Variants in AAMDC observed in about 807,000 individuals in gnomAD.
The protein encoded by AAMDC is adipogenesis associated Mth938 domain containing.
In AAMDC, 16 loss-of-function variants were observed where a neutral mutation model predicts 15.5. The observed-to-expected ratio is 1.03, with a 90% CI of 0.70 to 1.57. The LOEUF (loss-of-function observed/expected upper bound fraction) is 1.57. Among genes scored for constraint, AAMDC ranks in the 40% most tolerant of loss-of-function variants. AAMDC has a pLI of 0.00. For missense variants in AAMDC, 141 were observed against 144.9 expected, an observed-to-expected ratio of 0.97 and a Z score of 0.14; for synonymous variants, 51 against 51.6, an observed-to-expected ratio of 0.99 and a Z score of 0.05.
intron 2 of AAMDC, among the ~76,000 whole-genome samples, chr11:77,858,658 T>G (rs1325724348): frequency 2.6e-5 from 4 of 152,082 alleles, no homozygotes; most frequent in African/African-American, 4.8e-5. Flanking sequence ...CAAGTGCTGT[T>G]GGGGAGGTTG....
intron 1 of AAMDC, among the ~76,000 whole-genome samples, chr11:77,831,059 T>C (rs1949402435): frequency 6.7e-6 from 1 of 149,968 alleles, no homozygotes; most frequent in Admixed American, 6.7e-5. Flanking sequence ...CTTGAGAAGC[T>C]GAGATGGGAG....
chr11:77,882,607 C>T (rs964650815), intron 5 of AAMDC, among the ~76,000 whole-genome samples: 7 of 152,142 alleles, frequency 4.6e-5, no homozygotes, highest in African/African-American at 1.7e-4. Context: ...TCCAGGCAGC[C>T]AGATTATGGA....
intron 1 of AAMDC, among the ~76,000 whole-genome samples, chr11:77,833,854 AT>A (rs1176527834): frequency 6.6e-6 from 1 of 152,190 alleles, no homozygotes; most frequent in East Asian, 1.9e-4. Context: ...AAATGATTCC[AT>A]TTATTTTTGA....
At chr11:77,855,710 A>T (rs1590956765) in intron 2 of AAMDC, among the ~76,000 whole-genome samples, 1 of 123,960 alleles carries the variant, frequency 8.1e-6, no homozygotes, top group Admixed American at 1.0e-4. Context: ...TGTAAGTTCC[A>T]GTTTTATGTC....
rs1243995888 is a variant in AAMDC, at chr11:77,899,582, A to G, written c.329-989A>G. ...CTACTTGGGAGGCTGAGGCAGGAGA[A>G]TCGCTTGAACCCAGGAGGCAGAGGT... On this transcript the variant is annotated intron_variant, in intron 5 of 5. Coordinates refer to the AAMDC transcript ENST00000304716. Among the ~76,000 whole-genome samples the G allele has an allele frequency of 1.0e-3, 154 of 151,838 alleles. 1 individual carries two copies. The highest frequency in any genetic ancestry group is 3.7e-3 in the African/African-American group (153 of 41,162).
At chr11:77,880,351 T>C (rs143396099) in intron 5 of AAMDC, among the ~76,000 whole-genome samples, 15 of 152,218 alleles carry the variant, frequency 9.9e-5, no homozygotes, top group African/African-American at 3.1e-4. Context: ...AGGGAAAGGT[T>C]TGCAGTCAGC....
intron 2 of AAMDC, among the ~76,000 whole-genome samples, chr11:77,860,062 G>C (rs546234648): frequency 7.2e-5 from 11 of 152,294 alleles, no homozygotes; most frequent in African/African-American, 2.6e-4. Flanking sequence ...TTCTTACTCA[G>C]GTATGCCACA....
At chr11:77,854,807 G>T (rs930521087) in intron 2 of AAMDC, among the ~76,000 whole-genome samples, 1 of 152,334 alleles carries the variant, frequency 6.6e-6, no homozygotes, top group South Asian at 2.1e-4. Context: ...GGGACTCTGT[G>T]TAGGGGCTCC....
At chr11:77,826,940 A>C (rs1435795547) in intron 1 of AAMDC, among the ~76,000 whole-genome samples, 4 of 152,142 alleles carry the variant, frequency 2.6e-5, no homozygotes, top group African/African-American at 4.8e-5. Flanking sequence ...CACCATCTCT[A>C]CTAAAAATAC....
intron 2 of AAMDC, chr11:77,866,695 T>C (rs1951126203): frequency 6.6e-6 from 1 of 151,678 alleles, no homozygotes; most frequent in African/African-American, 2.4e-5. Context: ...TTTACTAGAA[T>C]GTGAGCTCTG....
intron 5 of AAMDC, among the ~76,000 whole-genome samples, chr11:77,892,178 C>T (rs1202095650): frequency 1.3e-5 from 2 of 152,134 alleles, no homozygotes; most frequent in Admixed American, 6.5e-5. Flanking sequence ...TTAAGACCTA[C>T]GAAGCGCCAA....
intron 5 of AAMDC, among the ~76,000 whole-genome samples, chr11:77,898,457 C>T (rs1373349532): frequency 3.3e-5 from 5 of 152,136 alleles, no homozygotes; most frequent in African/African-American, 7.2e-5. Flanking sequence ...CCACTGCGCC[C>T]GGCCAACTGG....
chr11:77,853,011 AT>A (rs894356052), intron 2 of AAMDC, among the ~76,000 whole-genome samples: 20 of 151,416 alleles, frequency 1.3e-4, no homozygotes, highest in African/African-American at 4.6e-4. Flanking sequence ...AACCATGTAC[AT>A]TTTTTTTTGT....
chr11:77,889,065 G>C (rs900563460), intron 5 of AAMDC, among the ~76,000 whole-genome samples: 2 of 152,102 alleles, frequency 1.3e-5, no homozygotes, highest in Non-Finnish European at 2.9e-5. Flanking sequence ...CCCAGTCATC[G>C]CATTACTGGG....
chr11:77,886,644 A>C (rs146851773), intron 5 of AAMDC, among the ~76,000 whole-genome samples: 28 of 152,344 alleles, frequency 1.8e-4, no homozygotes, highest in Non-Finnish European at 3.4e-4. Context: ...ACCACAGCCA[A>C]GGGAATGGGC....
chr11:77,868,674 TTTG>T (rs575076133), intron 2 of AAMDC: 70 of 170,172 alleles, frequency 4.1e-4, no homozygotes, highest in South Asian at 8.0e-4. Context: ...TCCAGAGGTT[TTTG>T]TTGTTGTTGT....
intron 1 of AAMDC, among the ~76,000 whole-genome samples, chr11:77,837,199 G>C (rs1195712573): frequency 6.6e-6 from 1 of 151,758 alleles, no homozygotes; most frequent in Non-Finnish European, 1.5e-5. Flanking sequence ...GCAGTGGCAC[G>C]ATCTCAGCTC....
At chr11:77,834,174 C>A (rs1368565894) in intron 1 of AAMDC, among the ~76,000 whole-genome samples, 1 of 152,110 alleles carries the variant, frequency 6.6e-6, no homozygotes, top group East Asian at 1.9e-4. Context: ...AATACTAATT[C>A]AATGAATAAA....
At chr11:77,886,878 T>A (rs1952038091) in intron 5 of AAMDC, among the ~76,000 whole-genome samples, 2 of 152,074 alleles carry the variant, frequency 1.3e-5, no homozygotes, top group Non-Finnish European at 2.9e-5. Flanking sequence ...AAGGCAGACA[T>A]AAAGATATTC....
Sources: allele counts gnomAD v4.1 joint callset (sites outside exome capture counted in the v4.1 genomes callset), GRCh38; gene constraint gnomAD v4.1.1; transcripts MANE v1.5; gene names NCBI Gene and HGNC (gene_info 2026-07-23, HGNC 2026-07-21).